Variants in GSE1 observed in about 807,000 individuals in gnomAD.
GSE1 encodes the protein Gse1 coiled-coil protein.
GSE1 carries 32 observed loss-of-function variants against 112.6 expected under a neutral mutation model. The observed-to-expected ratio is 0.28, with a 90% CI of 0.21 to 0.38. The LOEUF is 0.38. GSE1 is among the 10% of genes least tolerant of loss of function. The pLI is 1.00. For synonymous variants in GSE1, 1,115 were observed against 735.6 expected (o/e 1.52, Z -8.35); for missense variants, 2,348 against 1,699.2 (o/e 1.38, Z -6.71).
In GSE1 at chr16:85,556,505, C is replaced by G. The variant is rs530040189; in HGVS notation, c.37+142C>G. On this transcript the variant is annotated intron_variant, in intron 1 of 2. Coordinates refer to the GSE1 transcript ENST00000635906. The stretch of plus-strand genomic sequence containing the variant: ...GGTGCCCCCCGCAGACGCGCGCGGC[C>G]TCGGATCCTCCCGCTGCGGTCAAGC... 402 of 181,972 alleles carry G rather than the reference C, an allele frequency of 2.2e-3. 3 individuals carry two copies. Among genetic ancestry groups the G allele is most frequent in the African/African-American group, 9.1e-3 (380 of 41,850 alleles). 11.3% of individuals were successfully genotyped at this position (181,972 alleles called of 1,614,324 possible). A position where few individuals can be genotyped will look rare whatever the true frequency, so the allele number is the denominator to read the frequency against.
intron 2 of GSE1, among the ~76,000 whole-genome samples, chr16:85,427,694 T>C: frequency 6.6e-6 from 1 of 151,630 alleles, no homozygotes; most frequent in Non-Finnish European, 1.5e-5. Context: ...TAGCTGGGCG[T>C]GGTGGCATGC....
chr16:85,533,257 A>C, intron 2 of GSE1, among the ~76,000 whole-genome samples: 1 of 151,918 alleles, frequency 6.6e-6, no homozygotes, highest in East Asian at 1.9e-4. Flanking sequence ...TAAAAAAAAA[A>C]AAAAATACAA....
intron 1 of GSE1, among the ~76,000 whole-genome samples, chr16:85,283,876 C>T (rs1052703836): frequency 6.6e-6 from 1 of 152,218 alleles, no homozygotes; most frequent in Non-Finnish European, 1.5e-5. Flanking sequence ...TGGAGCTGGG[C>T]TTTAATCTCA....
intron 2 of GSE1, among the ~76,000 whole-genome samples, chr16:85,361,137 C>CA (rs1567711761): frequency 1.1e-4 from 13 of 122,336 alleles, no homozygotes; most frequent in East Asian, 3.0e-4. Flanking sequence ...ACAGACCCCC[C>CA]CCACACAAAC....
rs908224309 is a variant in GSE1 at position 85,547,993 on chromosome 16, C to T, written c.2465-85921C>T. Among the ~76,000 whole-genome samples the T allele has an allele frequency of 6.6e-5, 10 of 151,584 alleles. 1 individual carries two copies. The highest frequency in any genetic ancestry group is 1.3e-4 in the Admixed American group (2 of 15,226). On this transcript the variant is annotated intron_variant, in intron 2 of 2. Coordinates refer to the GSE1 transcript ENST00000637419. ...CTGTAATCCCAGGACTTTGGGAGGC[C>T]GAGGCGGGCGGATCACGAGGTCAGG...
At chr16:85,615,003 C>G (rs1393107712) in intron 1 of GSE1, among the ~76,000 whole-genome samples, 4 of 152,312 alleles carry the variant, frequency 2.6e-5, no homozygotes, top group East Asian at 1.9e-4. Context: ...CCTGGTCGGC[C>G]GTCTCGTCCT....
At chr16:85,204,735 GT>G (rs1282779459) in intron 1 of GSE1, among the ~76,000 whole-genome samples, 1 of 152,254 alleles carries the variant, frequency 6.6e-6, no homozygotes, top group Non-Finnish European at 1.5e-5. Context: ...GGGGACTCCT[GT>G]TTCCCCAGCA....
chr16:85,246,500 AC>A (rs745863746), intron 1 of GSE1, among the ~76,000 whole-genome samples: 3,941 of 18,492 alleles, frequency 0.21, 915 homozygotes, highest in Non-Finnish European at 0.23. Flanking sequence ...CACTCTACAC[AC>A]CCCCCCCCCC....
At chr16:85,321,725 G>A (rs556512736) in intron 1 of GSE1, among the ~76,000 whole-genome samples, 4 of 151,860 alleles carry the variant, frequency 2.6e-5, no homozygotes, top group South Asian at 2.1e-4. Flanking sequence ...GAGGCAGGGG[G>A]ATCGCTTGAG....
At position 85,247,446 on chromosome 16, in the gene GSE1, T is replaced by A. The variant is rs1457805747; in HGVS notation, c.2283+75639T>A. On this transcript the variant is annotated intron_variant, in intron 1 of 2. Coordinates refer to the GSE1 transcript ENST00000637419. ...GGACTGTACAGGCTCCAGAAGGCAG[T>A]GGCTGCATGCAGGGACCGGGCCTGA... Among the ~76,000 whole-genome samples the A allele has an allele frequency of 5.9e-5, 9 of 152,274 alleles. No individual in the cohort carries two copies. The East Asian group carries it at 7.7e-4, about 13-fold the overall frequency.
At chr16:85,415,626 G>A (rs374820389) in intron 2 of GSE1, among the ~76,000 whole-genome samples, 1 of 152,214 alleles carries the variant, frequency 6.6e-6, no homozygotes, top group Non-Finnish European at 1.5e-5. Context: ...CCCCGTGATC[G>A]GGATCTGCTC....
chr16:85,249,656 C>G (rs1906238935), intron 1 of GSE1, among the ~76,000 whole-genome samples: 1 of 152,214 alleles, frequency 6.6e-6, no homozygotes, highest in South Asian at 2.1e-4. Flanking sequence ...TCCAGCTGCT[C>G]TGGGGCAGGC....
intron 2 of GSE1, among the ~76,000 whole-genome samples, chr16:85,499,250 C>T (rs141144432): frequency 5.5e-4 from 80 of 146,202 alleles, no homozygotes; most frequent in African/African-American, 1.9e-3. Context: ...TGGGCATCAG[C>T]GAGAGGGCGC....
intron 1 of GSE1, among the ~76,000 whole-genome samples, chr16:85,356,854 C>T (rs949848939): frequency 2.0e-5 from 3 of 152,136 alleles, no homozygotes; most frequent in Non-Finnish European, 4.4e-5. Flanking sequence ...GAGGGGCCTG[C>T]CTGCTGCTCC....
chr16:85,399,666 A>G (rs2048048955), intron 2 of GSE1, among the ~76,000 whole-genome samples: 1 of 152,174 alleles, frequency 6.6e-6, no homozygotes, highest in Non-Finnish European at 1.5e-5. Context: ...TTGAGCACCT[A>G]CTGTGTGCCA....
chr16:85,345,191 C>A (rs1370001811), intron 1 of GSE1, among the ~76,000 whole-genome samples: 1 of 151,770 alleles, frequency 6.6e-6, no homozygotes, highest in Admixed American at 6.6e-5. Flanking sequence ...AAGGCTTTCA[C>A]GTTTTTAAAT....
chr16:85,422,394 A>T (rs544173256), intron 2 of GSE1, among the ~76,000 whole-genome samples: 1 of 152,006 alleles, frequency 6.6e-6, no homozygotes, highest in Non-Finnish European at 1.5e-5. Context: ...CTGTGGAGCC[A>T]CTAAATGAGG....
rs1170666749 is a variant in GSE1 at position 85,331,455 on chromosome 16, A to ATATATGTGTGTATATATG, written c.2284-26002_2284-25985dup. On this transcript the variant is annotated intron_variant, in intron 1 of 2. Transcript: ENST00000637419. Reference sequence around the variant, plus strand: ...TGTATATATATGCGTATATATGTATATATATGTGTGTATATATGTATATAT... The same window carrying ATATATGTGTGTATATATG: ...TGTATATATATGCGTATATATGTATATATATGTGTGTATATATGTATATGTGTGTATATATGTATATAT... 3.2e-3 allele frequency among the ~76,000 whole-genome samples: 462 copies of ATATATGTGTGTATATATG among 144,400 alleles called. 6 individuals are homozygous for ATATATGTGTGTATATATG. The highest frequency in any genetic ancestry group is 0.011 in the African/African-American group (432 of 39,106). 94.7% of individuals were successfully genotyped at this position (144,400 alleles called of 152,430 possible).
At chr16:85,358,862 C>T (rs1283866699) in intron 2 of GSE1, among the ~76,000 whole-genome samples, 2 of 152,188 alleles carry the variant, frequency 1.3e-5, no homozygotes, top group African/African-American at 4.8e-5. Context: ...CTAATCAGAG[C>T]TCCTGATCAC....
Sources: gnomAD v4.1 joint callset for allele counts (sites outside exome capture counted in the v4.1 genomes callset) on GRCh38, gnomAD v4.1.1 for gene constraint, MANE v1.5 for transcripts, NCBI Gene and HGNC (gene_info 2026-07-23, HGNC 2026-07-21) for gene names.